Variants in MALT1 observed in about 807,000 individuals in gnomAD.
MALT1 encodes the protein mucosa-associated lymphoid tissue lymphoma translocation protein 1.
MALT1 carries 36 observed loss-of-function variants against 85.5 expected under a neutral mutation model. The observed-to-expected ratio is 0.42, with a 90% CI of 0.32 to 0.56. The LOEUF (loss-of-function observed/expected upper bound fraction) is 0.56. MALT1 is among the 20% of genes least tolerant of loss of function. The pLI is 0.10. For missense variants in MALT1, 716 were observed against 981.6 expected, an observed-to-expected ratio of 0.73 and a Z score of 3.62; for synonymous variants, 359 against 361.3, an observed-to-expected ratio of 0.99 and a Z score of 0.07.
chr18:58,678,134 G>A (rs1428385478), intron 1 of MALT1, among the ~76,000 whole-genome samples: 1 of 152,120 alleles, frequency 6.6e-6, no homozygotes, highest in Non-Finnish European at 1.5e-5. Context: ...TATTACTAAT[G>A]AAATTAATTT....
intron 10 of MALT1, among the ~76,000 whole-genome samples, chr18:58,730,951 C>T (rs990423122): frequency 6.6e-6 from 1 of 152,106 alleles, no homozygotes; most frequent in East Asian, 1.9e-4. Context: ...TAAATCAAGT[C>T]ATTAGTCTTT....
In MALT1 at chr18:58,681,719, T is replaced by C. The variant is rs574445776; in HGVS notation, c.376+383T>C. 6.6e-5 allele frequency among the ~76,000 whole-genome samples: 10 copies of C among 152,340 alleles called. No homozygotes were observed. In the South Asian group the frequency reaches 2.1e-3, roughly 32 times the overall value. ...TAGTGCAGCCAAAAAAATGAACATA[T>C]ATTTATTCCTATGTATTTATATAGA... On this transcript the variant is annotated intron_variant, in intron 2 of 16. Coordinates refer to ENST00000649217, the MANE Select transcript of MALT1 (RefSeq NM_006785.4).
chr18:58,692,267 A>C (rs907181892), intron 2 of MALT1: 3 of 152,084 alleles, frequency 2.0e-5, no homozygotes. Context: ...GGTCTCACTG[A>C]CAATAAAGAG....
intron 2 of MALT1, among the ~76,000 whole-genome samples, chr18:58,687,720 C>G (rs534881014): frequency 6.6e-6 from 1 of 152,174 alleles, no homozygotes; most frequent in Non-Finnish European, 1.5e-5. Context: ...CATTTAAATG[C>G]GTCGTGAGAG....
chr18:58,735,177 C>T, intron 12 of MALT1, 25 bp from the exon 13 acceptor site: 2 of 1,593,596 alleles, frequency 1.3e-6, no homozygotes, highest in South Asian at 2.3e-5. Context: ...CTGTGCCTGG[C>T]TTAACTTCTT....
In MALT1 at chr18:58,752,435, G is replaced by A. The variant is rs2055458758; in HGVS notation, c.*4593G>A. Reference sequence around the variant, plus strand: ...GCTACTCAATTTACACATTACTTTTGTGCATTTCATCCTGTTTCTCAGTTT... The same window carrying A: ...GCTACTCAATTTACACATTACTTTTATGCATTTCATCCTGTTTCTCAGTTT... On this transcript the variant is annotated 3_prime_UTR_variant, in exon 17 of 17. Transcript: ENST00000649217. 1 of 151,820 alleles carries A rather than the reference G, an allele frequency of 6.6e-6. No individual in the cohort carries two copies. The highest frequency in any genetic ancestry group is 2.4e-5 in the African/African-American group (1 of 41,262). 9.4% of individuals were successfully genotyped at this position (151,820 alleles called of 1,614,324 possible).
rs1056111525 is a variant in MALT1, at chr18:58,752,410, G to A, written c.*4568G>A. ...TACTTTTATCTGTCAACTGATGTCA[G>A]CTACTCAATTTACACATTACTTTTG... On this transcript the variant is annotated 3_prime_UTR_variant, in exon 17 of 17. Transcript: ENST00000649217. The A allele has an allele frequency of 5.3e-5, 8 of 152,096 alleles. No individual in the cohort carries two copies. Among genetic ancestry groups the A allele is most frequent in the African/African-American group, 1.9e-4 (8 of 41,394 alleles). 9.4% of individuals were successfully genotyped at this position (152,096 alleles called of 1,614,324 possible). A position where few individuals can be genotyped will look rare whatever the true frequency, so the allele number is the denominator to read the frequency against.
intron 1 of MALT1, among the ~76,000 whole-genome samples, chr18:58,676,383 C>T (rs1385306863): frequency 6.6e-6 from 1 of 151,530 alleles, no homozygotes; most frequent in Admixed American, 6.6e-5. Flanking sequence ...GCCAACTCTC[C>T]TATTGTTTTT....
intron 4 of MALT1, among the ~76,000 whole-genome samples, chr18:58,701,897 C>G (rs913923113): frequency 6.6e-6 from 1 of 152,196 alleles, no homozygotes; most frequent in Non-Finnish European, 1.5e-5. Context: ...ACCAATAGCA[C>G]TCAGTAGATG....
At chr18:58,724,620 C>T (rs2055028170) in intron 10 of MALT1, among the ~76,000 whole-genome samples, 2 of 152,196 alleles carry the variant, frequency 1.3e-5, no homozygotes, top group South Asian at 4.1e-4. Context: ...CACCTTACGT[C>T]ATGAGGGGTC....
In MALT1 at chr18:58,745,803, TTC is replaced by T; in HGVS notation, c.2037+14_2037+15del. ...TGCAAAAATTAAAGGTTACTACCTT[TTC>T]TGTTTATAGCTACTAATGGAAAACT... On this transcript the variant is annotated intron_variant, in intron 16 of 16. Coordinates refer to ENST00000649217, the MANE Select transcript of MALT1 (RefSeq NM_006785.4). The T allele has an allele frequency of 6.2e-7, 1 of 1,607,384 alleles. No homozygotes were observed. Among genetic ancestry groups the T allele is most frequent in the Non-Finnish European group, 8.5e-7 (1 of 1,177,728 alleles).
chr18:58,711,639 A>G (rs2054832358), intron 7 of MALT1, among the ~76,000 whole-genome samples: 1 of 152,194 alleles, frequency 6.6e-6, no homozygotes, highest in Non-Finnish European at 1.5e-5. Context: ...CCTTAGTGTG[A>G]TGTCACATTG....
At chr18:58,742,190 T>G (rs971166607) in intron 14 of MALT1, among the ~76,000 whole-genome samples, 176 bp downstream of exon 14, 4 of 152,220 alleles carry the variant, frequency 2.6e-5, no homozygotes, top group African/African-American at 7.2e-5. Flanking sequence ...CTTATTTGAT[T>G]TAGAAATATC....
intron 9 of MALT1, among the ~76,000 whole-genome samples, chr18:58,720,322 C>G (rs1484737841): frequency 6.6e-6 from 1 of 152,192 alleles, no homozygotes. Context: ...GTTCGTTTCT[C>G]TGTCGTGTCC....
chr18:58,712,205 T>A (rs1209261260), intron 7 of MALT1, among the ~76,000 whole-genome samples: 1 of 152,152 alleles, frequency 6.6e-6, no homozygotes, highest in Non-Finnish European at 1.5e-5. Flanking sequence ...TCCAGAAGTC[T>A]CAGATGAAAA....
intron 7 of MALT1, among the ~76,000 whole-genome samples, chr18:58,712,200 A>C (rs2054840277): frequency 6.6e-6 from 1 of 152,162 alleles, no homozygotes; most frequent in South Asian, 2.1e-4. Context: ...GTTTCTCCAG[A>C]AGTCTCAGAT....
chr18:58,729,735 G>T (rs2055120712), intron 10 of MALT1, among the ~76,000 whole-genome samples: 1 of 152,146 alleles, frequency 6.6e-6, no homozygotes, highest in Non-Finnish European at 1.5e-5. Flanking sequence ...TCTCTAATCT[G>T]AAAATCCCAA....
intron 2 of MALT1, among the ~76,000 whole-genome samples, chr18:58,686,748 T>G (rs187113635): frequency 3.5e-4 from 54 of 152,358 alleles, no homozygotes; most frequent in Non-Finnish European, 6.6e-4. Flanking sequence ...TTTTTATTAC[T>G]TTATCTCTAA....
At chr18:58,738,363 T>C (rs1468963661) in intron 13 of MALT1, among the ~76,000 whole-genome samples, 1 of 152,236 alleles carries the variant, frequency 6.6e-6, no homozygotes, top group African/African-American at 2.4e-5. Flanking sequence ...GCAAACATAC[T>C]ACAGTTTTTT....
Sources: gnomAD v4.1 joint callset for allele counts (sites outside exome capture counted in the v4.1 genomes callset) on GRCh38, gnomAD v4.1.1 for gene constraint, MANE v1.5 for transcripts, NCBI Gene and HGNC (gene_info 2026-07-23, HGNC 2026-07-21) for gene names.